MAGI1: variants seen among roughly 807,000 people sequenced by gnomAD.
The protein encoded by MAGI1 is membrane-associated guanylate kinase, WW and PDZ domain-containing protein 1.
Under a neutral mutation model 139.9 loss-of-function variants are expected in MAGI1, and 58 were observed. The ratio of observed to expected loss-of-function variants is 0.41; its 90% CI spans 0.34 to 0.52. The LOEUF is 0.52. Ranked by LOEUF, MAGI1 falls within the 20% of genes least tolerant of loss-of-function variation. The pLI is 0.12. For synonymous variants in MAGI1, 812 were observed against 737.9 expected, an observed-to-expected ratio of 1.10 and a Z score of -1.63; for missense variants, 1,874 against 1,901.6, an observed-to-expected ratio of 0.99 and a Z score of 0.27.
rs770904475 is a variant in MAGI1, at chr3:65,470,507, G to C, written c.758-23C>G. On this transcript the variant is annotated intron_variant, in intron 4 of 22. Coordinates refer to ENST00000402939, the MANE Select transcript of MAGI1 (RefSeq NM_001033057.2). ...CGGCTGCTTAATCATGTGAAGAGGT[G>C]AGAGAGAGAGAGAGAGAAAAAAAAA... is the stretch of plus-strand genomic sequence containing the variant. The C allele has an allele frequency of 4.4e-6, 5 of 1,137,698 alleles. No homozygotes were observed. In the Admixed American group the frequency reaches 1.4e-4, roughly 31 times the overall value. 70.5% of individuals were successfully genotyped at this position (1,137,698 alleles called of 1,614,324 possible).
chr3:65,932,995 T>G (rs996375567), intron 1 of MAGI1, among the ~76,000 whole-genome samples: 1 of 152,256 alleles, frequency 6.6e-6, no homozygotes, highest in African/African-American at 2.4e-5. Context: ...GAATACCATC[T>G]GCCTCTAGGC....
chr3:65,603,257 C>T (rs904844556), intron 2 of MAGI1, among the ~76,000 whole-genome samples: 3 of 152,074 alleles, frequency 2.0e-5, no homozygotes, highest in African/African-American at 7.2e-5. Flanking sequence ...ATATTTTCTA[C>T]AGGTTCATAC....
intron 1 of MAGI1, among the ~76,000 whole-genome samples, chr3:65,789,682 TG>T (rs2039627164): frequency 1.3e-5 from 2 of 152,208 alleles, no homozygotes; most frequent in African/African-American, 4.8e-5. Flanking sequence ...GCACGTAAAG[TG>T]GCTGATTTAG....
At position 65,823,877 on chromosome 3, in the gene MAGI1, A is replaced by G. The variant is rs141733692; in HGVS notation, c.314-201789T>C. Reference sequence around the variant, plus strand: ...ACACCTCCTTCCCCAGTTTCACCATATGAGAGGTCATAGTGCACACTGGAC... The same window carrying G: ...ACACCTCCTTCCCCAGTTTCACCATGTGAGAGGTCATAGTGCACACTGGAC... On this transcript the variant is annotated intron_variant, in intron 1 of 22. Coordinates refer to ENST00000402939, the MANE Select transcript of MAGI1 (RefSeq NM_001033057.2). 2.9e-4 allele frequency among the ~76,000 whole-genome samples: 44 copies of G among 152,296 alleles called. No homozygotes were observed. In the East Asian group the frequency reaches 7.7e-3, roughly 27 times the overall value.
chr3:65,750,709 T>A (rs925640083), intron 1 of MAGI1, among the ~76,000 whole-genome samples: 1 of 152,292 alleles, frequency 6.6e-6, no homozygotes, highest in African/African-American at 2.4e-5. Context: ...AACATTAGAA[T>A]CTCGGGTTTC....
chr3:66,026,691 A>T (rs1413426917), intron 1 of MAGI1, among the ~76,000 whole-genome samples: 1 of 152,020 alleles, frequency 6.6e-6, no homozygotes, highest in Non-Finnish European at 1.5e-5. Context: ...CACGGGAGGA[A>T]AGAATGGACA....
chr3:65,701,274 C>T (rs1249471048), intron 1 of MAGI1, among the ~76,000 whole-genome samples: 2 of 152,086 alleles, frequency 1.3e-5, no homozygotes, highest in Non-Finnish European at 2.9e-5. Flanking sequence ...TTTCTTGAGA[C>T]AGAGTCTTGC....
chr3:65,505,012 T>C (rs1489281461), intron 2 of MAGI1, among the ~76,000 whole-genome samples: 1 of 152,174 alleles, frequency 6.6e-6, no homozygotes, highest in Non-Finnish European at 1.5e-5. Context: ...GATACACATT[T>C]ATCAGAAATC....
At chr3:65,508,400 T>C (rs531436356) in intron 2 of MAGI1, among the ~76,000 whole-genome samples, 2 of 151,574 alleles carry the variant, frequency 1.3e-5, no homozygotes, top group South Asian at 2.1e-4. Context: ...TGAGACTCTG[T>C]CTCAAAAAAA....
intron 2 of MAGI1, among the ~76,000 whole-genome samples, chr3:65,551,367 C>A (rs1220549213): frequency 6.6e-6 from 1 of 152,190 alleles, no homozygotes; most frequent in Non-Finnish European, 1.5e-5. Context: ...GTCGCATGAT[C>A]TTGGCTCACT....
intron 12 of MAGI1, among the ~76,000 whole-genome samples, chr3:65,422,126 T>C (rs963804561): frequency 2.0e-5 from 3 of 152,238 alleles, no homozygotes; most frequent in African/African-American, 7.2e-5. Context: ...ATGGTGGAAA[T>C]GTTCTCTGTC....
intron 1 of MAGI1, among the ~76,000 whole-genome samples, chr3:65,779,917 A>G (rs2038792130): frequency 1.3e-5 from 2 of 151,870 alleles, no homozygotes; most frequent in Non-Finnish European, 2.9e-5. Flanking sequence ...AGCACTAACA[A>G]AGAAAAAAAA....
chr3:65,983,057 C>T (rs113951866), intron 1 of MAGI1, among the ~76,000 whole-genome samples: 10 of 152,080 alleles, frequency 6.6e-5, no homozygotes, highest in African/African-American at 2.4e-4. Context: ...ACAGCTGGGA[C>T]CACAGGCTCA....
chr3:65,894,179 G>C (rs1399392372), intron 1 of MAGI1, among the ~76,000 whole-genome samples: 1 of 152,094 alleles, frequency 6.6e-6, no homozygotes, highest in Non-Finnish European at 1.5e-5. Flanking sequence ...TGTAAGAACA[G>C]CATAATTTCT....
intron 1 of MAGI1, among the ~76,000 whole-genome samples, chr3:65,910,189 C>T (rs1464044455): frequency 6.6e-6 from 1 of 152,138 alleles, no homozygotes; most frequent in Non-Finnish European, 1.5e-5. Context: ...GATAATATTA[C>T]CTTAAATAAC....
intron 4 of MAGI1, among the ~76,000 whole-genome samples, chr3:65,477,853 G>A (rs1396089504): frequency 1.3e-5 from 2 of 151,610 alleles, no homozygotes; most frequent in African/African-American, 2.4e-5. Context: ...ACCCCCTGGA[G>A]TTGTGCAGTA....
At position 65,478,726 on chromosome 3, in the gene MAGI1, T is replaced by C; in HGVS notation, c.623A>G (p.His208Arg). The C allele has an allele frequency of 6.2e-7, 1 of 1,614,072 alleles. No homozygotes were observed. The highest frequency in any genetic ancestry group is 8.5e-7 in the Non-Finnish European group (1 of 1,179,984). Residue 208 changes from histidine (H) to arginine (R), a missense_variant, in exon 4 of 23, where the codon CAC becomes CGC. His to Arg is a conservative substitution (Grantham distance 29, BLOSUM62 0). Coordinates refer to ENST00000402939, the MANE Select transcript of MAGI1 (RefSeq NM_001033057.2). ...SGKVITTDAL[H>R]SLQSGSKQST... is the part of the protein sequence containing the mutation. ...CTGCTTAGAGCCAGACTGAAGGCTG[T>C]GCAAGGCATCCGTCGTGATCACTTT... is the stretch of plus-strand genomic sequence containing the variant.
Position 65,818,880 on chromosome 3 carries a change from T to C in MAGI1, c.314-196792A>G, listed in dbSNP as rs1255052442. On this transcript the variant is annotated intron_variant, in intron 1 of 22. Coordinates refer to ENST00000402939, the MANE Select transcript of MAGI1 (RefSeq NM_001033057.2). ...GAACACTAGCTCCCAGAAAGTAGTT[T>C]ATCACGGCTCAACAAAAGATCAATA... 3.3e-5 allele frequency among the ~76,000 whole-genome samples: 5 copies of C among 152,200 alleles called. No homozygotes were observed. The South Asian group carries it at 6.2e-4, about 19-fold the overall frequency.
In MAGI1 at chr3:65,356,390, G is replaced by T. The variant is rs775707857; in HGVS notation, c.4377C>A (p.Asp1459Glu). Reference protein sequence around the residue: ...RRRPYKECSTDLSI With the variant: ...RRRPYKECSTELSI ...GTGACTCAGCGTCTCAGATACTGAGGTCGGTGCTACATTCTTTGTAAGGTC... is the reference window on the plus strand; with the variant it reads ...GTGACTCAGCGTCTCAGATACTGAGTTCGGTGCTACATTCTTTGTAAGGTC... Residue 1459 changes from aspartate to glutamate, a missense_variant, in exon 23 of 23, where the codon GAC (aspartate) becomes GAA (glutamate). By Grantham distance (45) the Asp-to-Glu change is conservative. Around this residue, in one of 5 missense-constraint regions of MAGI1, gnomAD observed 653 missense variants for 644.5 expected, o/e 1.01. Coordinates refer to ENST00000402939, the MANE Select transcript of MAGI1 (RefSeq NM_001033057.2). 2.5e-6 allele frequency: 4 copies of T among 1,589,188 alleles called. No homozygotes were observed. The highest frequency in any genetic ancestry group is 2.6e-6 in the Non-Finnish European group (3 of 1,171,914).
Sources: gnomAD v4.1 joint callset for allele counts (sites outside exome capture counted in the v4.1 genomes callset) on GRCh38, gnomAD v4.1.1 for gene constraint, gnomAD v4.1.1 regional missense constraint, MANE v1.5 for transcripts, NCBI Gene and HGNC (gene_info 2026-07-23, HGNC 2026-07-21) for gene names.